UBTD2: variants seen among roughly 807,000 people sequenced by gnomAD.
The protein encoded by UBTD2 is ubiquitin domain-containing protein 2.
In UBTD2, 9 loss-of-function variants were observed where a neutral mutation model predicts 19.8. The observed-to-expected ratio is 0.46, with a 90% CI of 0.27 to 0.79. The LOEUF (loss-of-function observed/expected upper bound fraction) is 0.79. Among genes scored for constraint, UBTD2 ranks in the 30% least tolerant of loss-of-function variants. The pLI, the probability that UBTD2 is intolerant of heterozygous loss-of-function variation, is 0.14. For missense variants in UBTD2, 250 were observed against 300.4 expected (o/e 0.83, Z 1.24); for synonymous variants, 98 against 103.9 (o/e 0.94, Z 0.35).
intron 2 of UBTD2, among the ~76,000 whole-genome samples, chr5:172,230,150 A>G (rs1032594875): frequency 6.6e-6 from 1 of 152,218 alleles, no homozygotes; most frequent in African/African-American, 2.4e-5. Context: ...GAATGAAAAT[A>G]TACCGTATGT....
At chr5:172,254,527 A>C in intron 1 of UBTD2, 1 of 583,952 alleles carries the variant, frequency 1.7e-6, no homozygotes, top group Non-Finnish European at 3.1e-6. Context: ...GTCCATGTGC[A>C]TCCTTCCCAT....
chr5:172,243,887 C>A (rs773187343), intron 1 of UBTD2, among the ~76,000 whole-genome samples: 24 of 151,938 alleles, frequency 1.6e-4, no homozygotes, highest in Non-Finnish European at 2.8e-4. Context: ...TTACAGGATA[C>A]GACCACAGAG....
chr5:172,213,539 G>A (rs1307453520), intron 2 of UBTD2, among the ~76,000 whole-genome samples: 1 of 152,200 alleles, frequency 6.6e-6, no homozygotes. Flanking sequence ...TCAGGGAAGG[G>A]AAAAAGCACT....
At chr5:172,258,256 G>T (rs1326697076) in intron 1 of UBTD2, among the ~76,000 whole-genome samples, 1 of 152,178 alleles carries the variant, frequency 6.6e-6, no homozygotes, top group Non-Finnish European at 1.5e-5. Context: ...TGAATAGGGA[G>T]TCCTTTCCCC....
At position 172,228,859 on chromosome 5, in the gene UBTD2, CTTTG is replaced by C. The variant is rs554918869; in HGVS notation, c.307+5259_307+5262del. On this transcript the variant is annotated intron_variant, in intron 2 of 2. Transcript: ENST00000393792. ...TGCTCTTTATACTATTTGTAAGTGC[CTTTG>C]TTTTTTTAAAAATTAAATTTTATTA... Among the ~76,000 whole-genome samples, 4 of 152,002 alleles carry C rather than the reference CTTTG, an allele frequency of 2.6e-5. No homozygotes were observed. In the East Asian group the frequency reaches 7.7e-4, roughly 29 times the overall value.
At chr5:172,229,603 A>G (rs1313365278) in intron 2 of UBTD2, among the ~76,000 whole-genome samples, 1 of 152,050 alleles carries the variant, frequency 6.6e-6, no homozygotes, top group East Asian at 1.9e-4. Flanking sequence ...AAATTATGAG[A>G]TAATTGTAGA....
At chr5:172,267,611 TTCTGAGTACAGCTGA>T (rs1356929587) in intron 1 of UBTD2, among the ~76,000 whole-genome samples, 3 of 152,230 alleles carry the variant, frequency 2.0e-5, no homozygotes, top group Non-Finnish European at 4.4e-5. Flanking sequence ...CGTGTTTAAC[TTCTGAGTACAGCTGA>T]TGATGTTGGT....
At chr5:172,282,069 C>T (rs948018035) in intron 1 of UBTD2, among the ~76,000 whole-genome samples, 2 of 152,012 alleles carry the variant, frequency 1.3e-5, no homozygotes, top group Non-Finnish European at 2.9e-5. Context: ...CGGAGAAGAG[C>T]AAAATGCTTA....
chr5:172,221,681 T>C (rs1377198705), intron 2 of UBTD2, among the ~76,000 whole-genome samples: 1 of 152,140 alleles, frequency 6.6e-6, no homozygotes, highest in Non-Finnish European at 1.5e-5. Flanking sequence ...GGTCAATGGT[T>C]GCCATGGGGT....
In UBTD2 at chr5:172,215,184, C is replaced by T. The variant is rs986064079; in HGVS notation, c.308-2957G>A. On this transcript the variant is annotated intron_variant, in intron 2 of 2. Transcript: ENST00000393792. ...GAAGGGTGTCTGGGAAGAGTGATAC[C>T]TTCCTGAGTTTTACCTTCTGGACCT... 5.3e-5 allele frequency among the ~76,000 whole-genome samples: 8 copies of T among 152,160 alleles called. No homozygotes were observed. The East Asian group carries it at 1.3e-3, about 26-fold the overall frequency.
At chr5:172,259,351 C>T (rs1424652606) in intron 1 of UBTD2, among the ~76,000 whole-genome samples, 4 of 151,966 alleles carry the variant, frequency 2.6e-5, no homozygotes, top group Admixed American at 2.0e-4. Context: ...CTATTTTGGC[C>T]AGGCTGGTCT....
intron 1 of UBTD2, among the ~76,000 whole-genome samples, chr5:172,234,810 A>C (rs1771974453): frequency 7.8e-6 from 1 of 128,462 alleles, no homozygotes; most frequent in Admixed American, 7.9e-5. Flanking sequence ...TGGGAGGCTG[A>C]GGTGGGAGGA....
intron 2 of UBTD2, among the ~76,000 whole-genome samples, chr5:172,218,802 A>T (rs200834694): frequency 0.025 from 1,745 of 70,194 alleles, 31 homozygotes; most frequent in African/African-American, 0.077. Context: ...AAAAAATAAA[A>T]AAAAAAATAA....
chr5:172,259,862 T>C (rs897114173), intron 1 of UBTD2, among the ~76,000 whole-genome samples: 1 of 152,048 alleles, frequency 6.6e-6, no homozygotes, highest in Non-Finnish European at 1.5e-5. Flanking sequence ...GATACCAGCC[T>C]GGCCAACACA....
At chr5:172,281,201 G>A (rs1755707492) in intron 1 of UBTD2, among the ~76,000 whole-genome samples, 3 of 152,102 alleles carry the variant, frequency 2.0e-5, no homozygotes, top group Admixed American at 2.0e-4. Context: ...CCGCCTGGTT[G>A]GTGAATGTAA....
At chr5:172,259,024 G>A (rs1755214143) in intron 1 of UBTD2, among the ~76,000 whole-genome samples, 1 of 152,124 alleles carries the variant, frequency 6.6e-6, no homozygotes, top group African/African-American at 2.4e-5. Context: ...GTTTTGTTCT[G>A]GTTCTCAAGG....
Position 172,219,949 on chromosome 5 carries a change from C to T in UBTD2, c.308-7722G>A, listed in dbSNP as rs565336533. 7.2e-5 allele frequency among the ~76,000 whole-genome samples: 11 copies of T among 152,316 alleles called. No homozygotes were observed. In the South Asian group the frequency reaches 2.3e-3, roughly 32 times the overall value. On this transcript the variant is annotated intron_variant, in intron 2 of 2. Transcript: ENST00000393792. ...TCTGGAACATTCCAAGACCATATCT[C>T]CCCATGGATAAGGGGGTACCACTGT...
At chr5:172,221,861 T>C (rs915203903) in intron 2 of UBTD2, among the ~76,000 whole-genome samples, 1 of 152,130 alleles carries the variant, frequency 6.6e-6, no homozygotes, top group African/African-American at 2.4e-5. Flanking sequence ...TGAGTGATAA[T>C]GATGTTTCAA....
intron 1 of UBTD2, among the ~76,000 whole-genome samples, chr5:172,280,065 G>C (rs980519925): frequency 2.0e-5 from 3 of 151,786 alleles, no homozygotes; most frequent in African/African-American, 7.3e-5. Flanking sequence ...TCGTGCCATT[G>C]CATTCCAGCC....
Sources: allele counts gnomAD v4.1 joint callset (sites outside exome capture counted in the v4.1 genomes callset), GRCh38; gene constraint gnomAD v4.1.1; transcripts MANE v1.5; gene names NCBI Gene and HGNC (gene_info 2026-07-23, HGNC 2026-07-21).